PRKG1: variants seen among roughly 807,000 people sequenced by gnomAD.
PRKG1 encodes the protein protein kinase cGMP-dependent 1.
Under a neutral mutation model 88.1 loss-of-function variants are expected in PRKG1, and 35 were observed. That is an observed-to-expected ratio of 0.40 (90% CI 0.30 to 0.53). The LOEUF (loss-of-function observed/expected upper bound fraction) is 0.53. PRKG1 is among the 20% of genes least tolerant of loss of function. The pLI, the probability that PRKG1 is intolerant of heterozygous loss-of-function variation, is 0.59. For synonymous variants in PRKG1, 303 were observed against 292.5 expected, an observed-to-expected ratio of 1.04 and a Z score of -0.37; for missense variants, 540 against 839.8, an observed-to-expected ratio of 0.64 and a Z score of 4.41.
Position 51,534,666 on chromosome 10 carries a change from C to CA in PRKG1, c.592+66846dup, listed in dbSNP as rs10626534. Among the ~76,000 whole-genome samples, 198 of 120,752 alleles carry CA rather than the reference C, an allele frequency of 1.6e-3. 11 individuals carry two copies. The highest frequency in any genetic ancestry group is 2.3e-3 in the African/African-American group (70 of 30,618). The allele number at this position is 120,752 out of a possible 152,430, so 79.2% of individuals were successfully genotyped here. On this transcript the variant is annotated intron_variant, in intron 3 of 17. Transcript: ENST00000373980. ...TGGGCAACAGAGCGAGACTCTGTCTCAAAAAAAAAAAAAAAAGAAAGAAAG... is the reference window on the plus strand; with the variant it reads ...TGGGCAACAGAGCGAGACTCTGTCTCAAAAAAAAAAAAAAAAAGAAAGAAAG...
rs369838634 is a variant in PRKG1 at position 51,930,824 on chromosome 10, A to G, written c.762+23254A>G. 6.6e-5 allele frequency among the ~76,000 whole-genome samples: 10 copies of G among 152,258 alleles called. No individual in the cohort carries two copies. The East Asian group carries it at 1.9e-3, about 29-fold the overall frequency. On this transcript the variant is annotated intron_variant, in intron 5 of 17. Transcript: ENST00000373980. ...CATTCTTTTAGAAAAAGAAAGGCAA[A>G]CGTAGTAGTTTTCATTATGTTTTGT...
intron 5 of PRKG1, among the ~76,000 whole-genome samples, chr10:51,918,545 A>G (rs1358555430): frequency 6.6e-6 from 1 of 152,184 alleles, no homozygotes; most frequent in East Asian, 1.9e-4. Flanking sequence ...CCAATCTGCA[A>G]TAAATCAGCT....
chr10:51,736,802 C>CTT (rs1204738786), intron 3 of PRKG1, among the ~76,000 whole-genome samples: 2 of 145,674 alleles, frequency 1.4e-5, no homozygotes. Context: ...CTAATTTTAA[C>CTT]TTTTTTTTTT....
At chr10:51,576,638 C>G (rs1837895060) in intron 3 of PRKG1, among the ~76,000 whole-genome samples, 1 of 151,846 alleles carries the variant, frequency 6.6e-6, no homozygotes, top group African/African-American at 2.4e-5. Context: ...TCTAAGCAAC[C>G]AAACAGGAAG....
intron 3 of PRKG1, among the ~76,000 whole-genome samples, chr10:51,804,012 A>C (rs1038345289): frequency 5.9e-5 from 9 of 152,270 alleles, no homozygotes; most frequent in African/African-American, 2.2e-4. Context: ...AAAATTCAAC[A>C]AACATGTCTA....
chr10:51,158,531 G>GA (rs1318230918), intron 2 of PRKG1, among the ~76,000 whole-genome samples: 2 of 151,790 alleles, frequency 1.3e-5, no homozygotes, highest in Non-Finnish European at 3.0e-5. Flanking sequence ...AGTTCAAAAA[G>GA]AAAAAAAATT....
At chr10:51,379,725 C>T (rs1276110797) in intron 2 of PRKG1, among the ~76,000 whole-genome samples, 1 of 152,192 alleles carries the variant, frequency 6.6e-6, no homozygotes, top group African/African-American at 2.4e-5. Flanking sequence ...ACAGATTTAA[C>T]TGAAGAGTTG....
At chr10:51,248,558 T>A (rs997836368) in intron 2 of PRKG1, among the ~76,000 whole-genome samples, 1 of 151,852 alleles carries the variant, frequency 6.6e-6, no homozygotes, top group Non-Finnish European at 1.5e-5. Context: ...TGGTATCTTA[T>A]GGTTAAAATT....
At chr10:51,587,083 C>T (rs528267498) in intron 3 of PRKG1, among the ~76,000 whole-genome samples, 3 of 152,060 alleles carry the variant, frequency 2.0e-5, no homozygotes, top group East Asian at 1.9e-4. Context: ...ACTTATTAAA[C>T]GTTTTTCTAG....
chr10:51,715,424 T>C (rs989886799), intron 3 of PRKG1, among the ~76,000 whole-genome samples: 1 of 152,164 alleles, frequency 6.6e-6, no homozygotes, highest in Non-Finnish European at 1.5e-5. Context: ...CCCTGGAATC[T>C]GCATTTGGAA....
rs181703435 is a variant in PRKG1, at chr10:51,728,607, G to C, written c.593-75978G>C. 2.0e-5 allele frequency among the ~76,000 whole-genome samples: 3 copies of C among 151,728 alleles called. No individual in the cohort carries two copies. The East Asian group carries it at 5.8e-4, about 29-fold the overall frequency. On this transcript the variant is annotated intron_variant, in intron 3 of 17. Transcript: ENST00000373980. ...GGGTTGTTATAAATATTAAATGAGA[G>C]TTATTTTATGGAATACATCTGAACT...
intron 3 of PRKG1, among the ~76,000 whole-genome samples, chr10:51,490,871 G>A (rs1840691785): frequency 1.3e-5 from 2 of 151,986 alleles, no homozygotes; most frequent in Non-Finnish European, 2.9e-5. Context: ...GGGATTTCTA[G>A]GAAACTAGTT....
chr10:51,329,687 G>A (rs1399215402), intron 2 of PRKG1, among the ~76,000 whole-genome samples: 1 of 152,086 alleles, frequency 6.6e-6, no homozygotes, highest in East Asian at 1.9e-4. Flanking sequence ...GGACAGCTTT[G>A]CTGGCTACAG....
intron 2 of PRKG1, among the ~76,000 whole-genome samples, chr10:51,337,374 C>A (rs1355606950): frequency 6.6e-6 from 1 of 151,954 alleles, no homozygotes; most frequent in Non-Finnish European, 1.5e-5. Flanking sequence ...GATGAAATTG[C>A]CAAAAGCAAT....
chr10:51,677,274 T>C lies in PRKG1; in HGVS notation c.593-127311T>C, dbSNP rs141418420. Among the ~76,000 whole-genome samples, 326 of 152,308 alleles carry C rather than the reference T, an allele frequency of 2.1e-3. 1 individual carries two copies. Among genetic ancestry groups the C allele is most frequent in the African/African-American group, 7.6e-3 (317 of 41,574 alleles). ...ATATACCATAAAACCCACTCTACTA[T>C]TGATGGACATGTGACTTGCTGTATT... On this transcript the variant is annotated intron_variant, in intron 3 of 17. Coordinates refer to ENST00000373980, the MANE Select transcript of PRKG1 (RefSeq NM_006258.4).
At chr10:51,194,398 C>A (rs992629410) in intron 2 of PRKG1, among the ~76,000 whole-genome samples, 1 of 151,992 alleles carries the variant, frequency 6.6e-6, no homozygotes, top group African/African-American at 2.4e-5. Flanking sequence ...AGCACCCAAC[C>A]CCCTGACAGG....
At chr10:52,041,192 G>T (rs967677919) in intron 5 of PRKG1, among the ~76,000 whole-genome samples, 2 of 152,076 alleles carry the variant, frequency 1.3e-5, no homozygotes, top group African/African-American at 2.4e-5. Context: ...TCAAATTGAT[G>T]TTGAATTTTG....
chr10:52,129,500 A>G (rs538235195), intron 7 of PRKG1, among the ~76,000 whole-genome samples: 26 of 152,304 alleles, frequency 1.7e-4, no homozygotes, highest in African/African-American at 5.5e-4. Context: ...ACTAAATCAG[A>G]TAGTATTTTG....
At position 51,699,667 on chromosome 10, in the gene PRKG1, T is replaced by G. The variant is rs189256642; in HGVS notation, c.593-104918T>G. 423 of 1,172,032 alleles carry G rather than the reference T, an allele frequency of 3.6e-4. 3 individuals are homozygous for G. In the African/African-American group the frequency reaches 6.0e-3, roughly 17 times the overall value. The allele number at this position is 1,172,032 out of a possible 1,614,324, so 72.6% of individuals were successfully genotyped here. A position where few individuals can be genotyped will look rare whatever the true frequency, so the allele number is the denominator to read the frequency against. ...AAGATCCGGGCAGAAACTTTACTAATTCGCTTGAATCGTTCCGCTTGCCTG... is the reference window on the plus strand; with the variant it reads ...AAGATCCGGGCAGAAACTTTACTAAGTCGCTTGAATCGTTCCGCTTGCCTG... On this transcript the variant is annotated intron_variant, in intron 3 of 17. Transcript: ENST00000373980.
Sources: gnomAD v4.1 joint callset for allele counts (sites outside exome capture counted in the v4.1 genomes callset) on GRCh38, gnomAD v4.1.1 for gene constraint, MANE v1.5 for transcripts, NCBI Gene and HGNC (gene_info 2026-07-23, HGNC 2026-07-21) for gene names.